The following C2CD5 variants were observed in gnomAD, a reference collection of about 807,000 sequenced individuals.
C2CD5 encodes the protein C2 domain-containing protein 5.
C2CD5 carries 109 observed loss-of-function variants against 130.3 expected under a neutral mutation model. The observed-to-expected ratio is 0.84, with a 90% CI of 0.72 to 0.98. C2CD5 has a LOEUF of 0.98. Ranked by LOEUF, C2CD5 falls within the 50% of genes least tolerant of loss-of-function variation. C2CD5 has a pLI of 0.00. For missense variants in C2CD5, 996 were observed against 1,261.8 expected (o/e 0.79, Z 3.19); for synonymous variants, 454 against 429.2 (o/e 1.06, Z -0.71).
intron 15 of C2CD5, chr12:22,477,466 G>C (rs913802272): frequency 6.6e-6 from 1 of 152,046 alleles, no homozygotes; most frequent in African/African-American, 2.4e-5. Context: ...GCCAAAATTA[G>C]ATAAGACGTT....
intron 10 of C2CD5, among the ~76,000 whole-genome samples, chr12:22,503,454 C>G (rs1948063620): frequency 6.6e-6 from 1 of 152,168 alleles, no homozygotes; most frequent in Admixed American, 6.5e-5. Flanking sequence ...TAAATGTTCT[C>G]AAGAAAATGT....
At chr12:22,451,677 A>G (rs2135934696) in intron 26 of C2CD5, among the ~76,000 whole-genome samples, 1 of 152,126 alleles carries the variant, frequency 6.6e-6, no homozygotes, top group East Asian at 1.9e-4. Context: ...AACACTACAA[A>G]GTACTAGAAA....
At chr12:22,519,518 A>T (rs1950078614) in intron 7 of C2CD5, among the ~76,000 whole-genome samples, 1 of 152,118 alleles carries the variant, frequency 6.6e-6, no homozygotes, top group African/African-American at 2.4e-5. Context: ...ATTAAATGAG[A>T]ACAAGACTAA....
Position 22,523,300 on chromosome 12 carries a change from A to G in C2CD5, c.800+126T>C, listed in dbSNP as rs531188718. 7 of 641,804 alleles carry G rather than the reference A, an allele frequency of 1.1e-5. No homozygotes were observed. In the East Asian group the frequency reaches 2.0e-4, roughly 18 times the overall value. The allele number at this position is 641,804 out of a possible 1,614,324, so 39.8% of individuals were successfully genotyped here. A position where few individuals can be genotyped will look rare whatever the true frequency, so the allele number is the denominator to read the frequency against. ...TTTTAAGTTTTAAATTTTGACAGTC[A>G]TCACCAATAAAAATCATCACAGAGA... On this transcript the variant is annotated intron_variant, in intron 7 of 26. Transcript: ENST00000446597.
intron 14 of C2CD5, 38 bp from the exon 15 acceptor site, chr12:22,478,515 T>C: frequency 6.4e-7 from 1 of 1,556,078 alleles, no homozygotes; most frequent in South Asian, 1.1e-5. Context: ...AGAAAAAATA[T>C]CTACAGAATA....
chr12:22,503,932 A>G (rs771046433), intron 10 of C2CD5, among the ~76,000 whole-genome samples: 2 of 152,242 alleles, frequency 1.3e-5, no homozygotes, highest in Non-Finnish European at 2.9e-5. Context: ...TTATATGTAT[A>G]TGTCCATGAC....
chr12:22,456,901 G>A lies in C2CD5; in HGVS notation c.2877+70C>T. 3.2e-6 allele frequency: 3 copies of A among 949,764 alleles called. No individual in the cohort carries two copies. The South Asian group carries it at 5.1e-5, about 16-fold the overall frequency. 58.8% of individuals were successfully genotyped at this position (949,764 alleles called of 1,614,324 possible). A position where few individuals can be genotyped will look rare whatever the true frequency, so the allele number is the denominator to read the frequency against. On this transcript the variant is annotated intron_variant, in intron 25 of 26. Coordinates refer to ENST00000446597, the MANE Select transcript of C2CD5 (RefSeq NM_001286176.2). ...AGTTTTTGGCAAAAAATAACAATTT[G>A]AAACTTAGTTTTGTTACTAAATCTT...
At chr12:22,515,975 G>GT (rs917997593) in intron 8 of C2CD5, among the ~76,000 whole-genome samples, 24 of 149,960 alleles carry the variant, frequency 1.6e-4, no homozygotes, top group African/African-American at 5.4e-4. Flanking sequence ...TCAAAAATTA[G>GT]TATCTACAGA....
At chr12:22,483,588 C>T (rs1198669366) in intron 13 of C2CD5, among the ~76,000 whole-genome samples, 2 of 151,920 alleles carry the variant, frequency 1.3e-5, no homozygotes, top group East Asian at 3.9e-4. Context: ...CACCAGCAGA[C>T]CATCAAAAGA....
chr12:22,470,449 T>C (rs780823612), intron 21 of C2CD5, among the ~76,000 whole-genome samples: 5 of 152,108 alleles, frequency 3.3e-5, no homozygotes, highest in Non-Finnish European at 5.9e-5. Flanking sequence ...ATGGAACTTG[T>C]CCTGAAAATA....
chr12:22,458,157 GTACCT>G (rs1426082005), intron 24 of C2CD5, among the ~76,000 whole-genome samples: 3 of 152,074 alleles, frequency 2.0e-5, no homozygotes, highest in Admixed American at 6.6e-5. Flanking sequence ...ATACTAAATA[GTACCT>G]TGGGTCCTGG....
chr12:22,453,849 G>A (rs1939230935), intron 26 of C2CD5, 47 bp downstream of exon 26: 1 of 1,586,950 alleles, frequency 6.3e-7, no homozygotes, highest in African/African-American at 1.3e-5. Flanking sequence ...AGCCATGGAA[G>A]AAATTCTCAG....
intron 9 of C2CD5, chr12:22,512,684 G>T: frequency 1.4e-6 from 2 of 1,476,158 alleles, no homozygotes; most frequent in Non-Finnish European, 1.8e-6. Flanking sequence ...TCCTCCCTTA[G>T]CAATGAAGTT....
chr12:22,501,597 TAA>T (rs1262346350), intron 10 of C2CD5, among the ~76,000 whole-genome samples: 12 of 152,154 alleles, frequency 7.9e-5, no homozygotes, highest in African/African-American at 2.9e-4. Flanking sequence ...AATATTACAC[TAA>T]CAAATGATCA....
rs760473058 is a variant in C2CD5 at position 22,482,557 on chromosome 12, C to T, written c.1737G>A (p.Ala579=). The change falls in exon 14 of 27, where the codon GCG becomes GCA. Residue 579 remains alanine (A), a splice_region_variant and synonymous_variant. Transcript: ENST00000446597. ...CAAAACCAAAAACATCTAAACTTAC[C>T]GCTAAGCCCATCAACATATTTTCAC... is the stretch of plus-strand genomic sequence containing the variant. ...TVGENMLMGL[A]SATGVYLAAL... 1.1e-5 allele frequency: 17 copies of T among 1,612,094 alleles called. No individual in the cohort carries two copies. The East Asian group carries it at 1.8e-4, about 17-fold the overall frequency.
intron 9 of C2CD5, among the ~76,000 whole-genome samples, chr12:22,509,658 T>A (rs1483262851): frequency 1.3e-5 from 2 of 152,252 alleles, no homozygotes; most frequent in Non-Finnish European, 2.9e-5. Flanking sequence ...GTACCTATCA[T>A]CACCACCATA....
At chr12:22,507,918 T>C (rs1436012000) in intron 9 of C2CD5, among the ~76,000 whole-genome samples, 1 of 152,154 alleles carries the variant, frequency 6.6e-6, no homozygotes, top group Non-Finnish European at 1.5e-5. Context: ...TAGTTATAAA[T>C]TTTTATCTTA....
chr12:22,497,080 T>C (rs1947112325), intron 10 of C2CD5, among the ~76,000 whole-genome samples: 1 of 152,154 alleles, frequency 6.6e-6, no homozygotes, highest in Non-Finnish European at 1.5e-5. Flanking sequence ...TTTGAGATTT[T>C]AGGCTATCAT....
chr12:22,516,214 TTA>T (rs1393131077), intron 8 of C2CD5, among the ~76,000 whole-genome samples: 1 of 151,922 alleles, frequency 6.6e-6, no homozygotes, highest in African/African-American at 2.4e-5. Context: ...CAGGCTGAAA[TTA>T]TAGTTTTAGA....
Sources: allele counts gnomAD v4.1 joint callset (sites outside exome capture counted in the v4.1 genomes callset), GRCh38; gene constraint gnomAD v4.1.1; transcripts MANE v1.5; gene names NCBI Gene and HGNC (gene_info 2026-07-23, HGNC 2026-07-21).